Variants in TEX14 observed in about 807,000 individuals in gnomAD.
TEX14 encodes the protein inactive serine/threonine-protein kinase TEX14.
In TEX14, 168 loss-of-function variants were observed where a neutral mutation model predicts 178.6. The observed-to-expected ratio is 0.94, with a 90% confidence interval of 0.83 to 1.07. TEX14 has a LOEUF of 1.07. Ranked by LOEUF, TEX14 falls within the 50% of genes least tolerant of loss-of-function variation. The pLI is 0.00. For missense variants in TEX14, 1,730 were observed against 1,753.6 expected (o/e 0.99, Z 0.24); for synonymous variants, 626 against 634.1 (o/e 0.99, Z 0.19).
intron 20 of TEX14, among the ~76,000 whole-genome samples, chr17:58,578,895 A>G (rs778173383): frequency 5.3e-5 from 8 of 152,238 alleles, no homozygotes; most frequent in Non-Finnish European, 1.0e-4. Context: ...AGTTCATAAC[A>G]CTACGCTGTT....
intron 3 of TEX14, among the ~76,000 whole-genome samples, chr17:58,626,263 C>T (rs1488900159): frequency 6.6e-6 from 1 of 151,982 alleles, no homozygotes; most frequent in East Asian, 1.9e-4. Context: ...TTCCACTGAG[C>T]GTATAGGAAT....
At chr17:58,564,717 T>TA (rs1567989761) in intron 28 of TEX14, 152 bp downstream of exon 28, 3 of 443,846 alleles carry the variant, frequency 6.8e-6, no homozygotes, top group Non-Finnish European at 1.2e-5. Context: ...CAACGCTTTT[T>TA]AAAAAAGTAA....
rs537814691 is a variant in TEX14, at chr17:58,605,062, C to A, written c.1252G>T (p.Ala418Ser). 6 of 1,614,150 alleles carry A rather than the reference C, an allele frequency of 3.7e-6. No individual in the cohort carries two copies. The highest frequency in any genetic ancestry group is 1.3e-5 in the African/African-American group (1 of 75,048). ...GCCTTCTGTAAGATCACTTCTGGTG[C>A]GGCCCAGTTGTATAGCTGCGTAGGA... ...PLPTQLYNWA[A>S]PEVILQKAAT... The change falls in exon 11 of 32, where the codon GCA becomes TCA. Residue 418 changes from alanine (A) to serine (S), a missense_variant. Transcript: ENST00000349033.
intron 21 of TEX14, 104 bp from the exon 22 acceptor site, chr17:58,574,353 G>A (rs2044622309): frequency 2.4e-6 from 2 of 843,342 alleles, no homozygotes; most frequent in South Asian, 2.8e-5. Flanking sequence ...GTGAGACGCA[G>A]AGGAAAGGGC....
rs184850531 is a variant in TEX14 at position 58,572,875 on chromosome 17, A to C, written c.3511+306T>G. On this transcript the variant is annotated intron_variant, in intron 23 of 31. Transcript: ENST00000349033. The stretch of plus-strand genomic sequence containing the variant: ...AGTTTAAGCACAAGGTACTGTTTTA[A>C]GTTGCAAACTCTACAAAGCTCAATG... 1.0e-3 allele frequency among the ~76,000 whole-genome samples: 160 copies of C among 152,386 alleles called. 1 individual carries two copies. Among genetic ancestry groups the C allele is most frequent in the African/African-American group, 3.6e-3 (151 of 41,604 alleles).
chr17:58,683,032 G>A (rs1406109455), intron 1 of TEX14, among the ~76,000 whole-genome samples: 2 of 138,732 alleles, frequency 1.4e-5, no homozygotes, highest in African/African-American at 5.5e-5. Flanking sequence ...CAGCCTGGGC[G>A]ACAGTGCGAG....
At chr17:58,644,193 A>AATCC (rs2046642883) in intron 2 of TEX14, among the ~76,000 whole-genome samples, 1 of 152,158 alleles carries the variant, frequency 6.6e-6, no homozygotes, top group Admixed American at 6.5e-5. Flanking sequence ...CCTCCATAAA[A>AATCC]ATCCATAAAT....
Position 58,573,175 on chromosome 17 carries a change from G to T in TEX14, c.3511+6C>A. On this transcript the variant is annotated splice_donor_region_variant and intron_variant, in intron 23 of 31. Coordinates refer to ENST00000349033, the MANE Select transcript of TEX14 (RefSeq NM_031272.5). The stretch of plus-strand genomic sequence containing the variant: ...CTCCCCAAACACTTCTCTTCCCTGT[G>T]ATTACCTGGGCTGAGTGGAGTGCTG... 1 of 1,613,708 alleles carries T rather than the reference G, an allele frequency of 6.2e-7. No homozygotes were observed. The highest frequency in any genetic ancestry group is 1.3e-5 in the African/African-American group (1 of 75,046).
intron 2 of TEX14, among the ~76,000 whole-genome samples, chr17:58,633,893 G>A (rs1420385339): frequency 6.6e-6 from 1 of 151,236 alleles, no homozygotes; most frequent in African/African-American, 2.4e-5. Flanking sequence ...ACTTGAACCC[G>A]GGAGGCAGAG....
At chr17:58,587,076 A>G (rs559633904) in intron 17 of TEX14, among the ~76,000 whole-genome samples, 14 of 152,352 alleles carry the variant, frequency 9.2e-5, no homozygotes, top group South Asian at 2.1e-4. Flanking sequence ...ATGTGTACAT[A>G]GCTCACATTT....
rs1421651005 is a variant in TEX14, at chr17:58,602,689, A to G, written c.1337-99T>C. 3 of 848,324 alleles carry G rather than the reference A, an allele frequency of 3.5e-6. No individual in the cohort carries two copies. In the Admixed American group the frequency reaches 8.5e-5, roughly 24 times the overall value. 52.5% of individuals were successfully genotyped at this position (848,324 alleles called of 1,614,324 possible). On this transcript the variant is annotated intron_variant, in intron 11 of 31. Transcript: ENST00000349033. ...GAAGCTGGGTAACCTTAGGCAAGTCACTTAACTTCTTTATTTTTTTTTCTA... is the reference window on the plus strand; with the variant it reads ...GAAGCTGGGTAACCTTAGGCAAGTCGCTTAACTTCTTTATTTTTTTTTCTA...
intron 1 of TEX14, chr17:58,675,562 A>C (rs191436658): frequency 6.6e-6 from 1 of 152,210 alleles, no homozygotes; most frequent in Admixed American, 6.5e-5. Context: ...GGCTCTTTCT[A>C]AAAATCAAAC....
intron 2 of TEX14, chr17:58,648,191 G>A (rs2046757578): frequency 6.6e-6 from 1 of 152,290 alleles, no homozygotes; most frequent in Non-Finnish European, 1.5e-5. Flanking sequence ...GTAGCTTCTG[G>A]CTTTATCCTA....
chr17:58,638,983 C>T (rs534169815), intron 2 of TEX14, among the ~76,000 whole-genome samples: 1 of 151,214 alleles, frequency 6.6e-6, no homozygotes, highest in South Asian at 2.1e-4. Flanking sequence ...CCTGCCTCAG[C>T]CTCCTGAGTA....
chr17:58,620,342 T>G (rs1342321796), intron 5 of TEX14, among the ~76,000 whole-genome samples: 1 of 152,150 alleles, frequency 6.6e-6, no homozygotes, highest in Non-Finnish European at 1.5e-5. Flanking sequence ...GATTACTTTA[T>G]TTTTTGAGAC....
At chr17:58,668,200 C>T (rs2116450) in intron 1 of TEX14, among the ~76,000 whole-genome samples, 26,025 of 152,152 alleles carry the variant, frequency 0.17, 2,358 homozygotes, top group Non-Finnish European at 0.19. Flanking sequence ...CCACTGACCT[C>T]CACACTGCTC....
chr17:58,618,207 T>G (rs1249114502), intron 5 of TEX14, among the ~76,000 whole-genome samples: 1 of 152,242 alleles, frequency 6.6e-6, no homozygotes, highest in East Asian at 1.9e-4. Context: ...AATTTTATTG[T>G]TTGAGGCTGC....
chr17:58,641,135 G>A (rs1413033131), intron 2 of TEX14, among the ~76,000 whole-genome samples: 1 of 152,186 alleles, frequency 6.6e-6, no homozygotes, highest in Non-Finnish European at 1.5e-5. Context: ...AGGTGGCTGA[G>A]AGCGGTAGCT....
chr17:58,565,093 C>A, intron 27 of TEX14, 125 bp from the exon 28 acceptor site: 1 of 502,932 alleles, frequency 2.0e-6, no homozygotes, highest in Non-Finnish European at 3.5e-6. Context: ...CATTAGCTCC[C>A]CTCTTCCCAG....
Sources: gnomAD v4.1 joint callset for allele counts (sites outside exome capture counted in the v4.1 genomes callset) on GRCh38, gnomAD v4.1.1 for gene constraint, MANE v1.5 for transcripts, NCBI Gene and HGNC (gene_info 2026-07-23, HGNC 2026-07-21) for gene names.